CBFA2T3: variants seen among roughly 807,000 people sequenced by gnomAD.
The protein encoded by CBFA2T3 is transcriptional corepressor CBFA2T3.
In CBFA2T3, 31 loss-of-function variants were observed where a neutral mutation model predicts 58.6. The ratio of observed to expected loss-of-function variants is 0.53; its 90% CI spans 0.40 to 0.71. The LOEUF (loss-of-function observed/expected upper bound fraction) is 0.71. CBFA2T3 is among the 30% of genes least tolerant of loss of function. CBFA2T3 has a pLI of 0.00. For missense variants in CBFA2T3, 1,076 were observed against 963.1 expected (o/e 1.12, Z -1.55); for synonymous variants, 531 against 421.9 (o/e 1.26, Z -3.17).
Position 88,963,982 on chromosome 16 carries a change from C to G in CBFA2T3, c.151+12675G>C, listed in dbSNP as rs577917198. Among the ~76,000 whole-genome samples, 190 of 152,336 alleles carry G rather than the reference C, an allele frequency of 1.2e-3. 1 individual carries two copies. Among genetic ancestry groups the G allele is most frequent in the Middle Eastern group, 3.4e-3 (1 of 294 alleles). ...ATCTTGAGAAAGAGAAGAGCTCTGTCTGCAGTGAGGAGAGGACAGAGAGCT... is the reference window on the plus strand; with the variant it reads ...ATCTTGAGAAAGAGAAGAGCTCTGTGTGCAGTGAGGAGAGGACAGAGAGCT... On this transcript the variant is annotated intron_variant, in intron 1 of 11. Coordinates refer to ENST00000268679, the MANE Select transcript of CBFA2T3 (RefSeq NM_005187.6).
At chr16:88,951,958 G>T (rs149920331) in intron 1 of CBFA2T3, among the ~76,000 whole-genome samples, 22 of 152,246 alleles carry the variant, frequency 1.4e-4, no homozygotes, top group African/African-American at 5.1e-4. Context: ...TGACGCCTCC[G>T]AGCTGGGTTT....
chr16:88,885,938 A>C lies in CBFA2T3; in HGVS notation c.893+23T>G, dbSNP rs897957. 10,900 of 1,544,732 alleles carry C rather than the reference A, an allele frequency of 7.1e-3. 667 individuals carry two copies. The African/African-American group carries it at 0.13, about 19-fold the overall frequency. On this transcript the variant is annotated intron_variant, in intron 6 of 11. Coordinates refer to ENST00000268679, the MANE Select transcript of CBFA2T3 (RefSeq NM_005187.6). The surrounding 1 kb of genome is among the most constrained non-coding windows in gnomAD (Gnocchi z 5.3). ...CGCGTGTCCACGGCACCCCCAGCCC[A>C]GATCCCCGGAGCCCACAGGTACCTG...
intron 1 of CBFA2T3, among the ~76,000 whole-genome samples, chr16:88,905,162 G>A (rs1970259182): frequency 6.6e-6 from 1 of 152,140 alleles, no homozygotes; most frequent in African/African-American, 2.4e-5. Flanking sequence ...GGGGAGTCTG[G>A]AGCTCTGCAC....
chr16:88,879,219 G>A (rs776932180), intron 11 of CBFA2T3, 51 bp downstream of exon 11: 31 of 1,491,062 alleles, frequency 2.1e-5, no homozygotes, highest in East Asian at 6.8e-5. Flanking sequence ...GCGTGGGACC[G>A]CACGGGAGCC....
At chr16:88,941,051 C>G (rs1194952789) in intron 1 of CBFA2T3, 32 of 985,558 alleles carry the variant, frequency 3.2e-5, no homozygotes, top group Non-Finnish European at 3.9e-5. Flanking sequence ...CGGCGGGCGG[C>G]GGACGGCGCA....
chr16:88,900,229 G>GT (rs1252600872), intron 2 of CBFA2T3, among the ~76,000 whole-genome samples: 3 of 152,256 alleles, frequency 2.0e-5, no homozygotes, highest in Non-Finnish European at 4.4e-5. Flanking sequence ...ATTTCCAGCT[G>GT]TACCTGCCTC....
At chr16:88,963,460 T>C (rs1972419792) in intron 1 of CBFA2T3, among the ~76,000 whole-genome samples, 3 of 152,128 alleles carry the variant, frequency 2.0e-5, no homozygotes, top group South Asian at 2.1e-4. Flanking sequence ...CTGACAACGT[T>C]CTGCAACCAG....
intron 3 of CBFA2T3, among the ~76,000 whole-genome samples, chr16:88,897,150 G>A (rs977378731): frequency 2.6e-5 from 4 of 152,226 alleles, no homozygotes; most frequent in Admixed American, 1.3e-4. Flanking sequence ...TCCGGGATCT[G>A]GGATTCACCA....
chr16:88,904,012 G>A (rs1366841275), intron 1 of CBFA2T3, among the ~76,000 whole-genome samples: 2 of 152,256 alleles, frequency 1.3e-5, no homozygotes, highest in Non-Finnish European at 2.9e-5. Context: ...TCCTAAGGTG[G>A]AGAGGGTGGC....
chr16:88,894,059 G>C (rs1969761974), intron 3 of CBFA2T3, among the ~76,000 whole-genome samples: 1 of 152,258 alleles, frequency 6.6e-6, no homozygotes, highest in East Asian at 1.9e-4. Context: ...TCCTGCAGAA[G>C]GACACGCTCC....
rs939949973 is a variant in CBFA2T3, at chr16:88,875,079, C to G, written c.*1897G>C. ...CACACAGATGCCAGGCCACGGGCCA[C>G]GCCACGCGCACAGATGCCAGGCCAC... On this transcript the variant is annotated 3_prime_UTR_variant, in exon 12 of 12. Transcript: ENST00000268679. The G allele has an allele frequency of 8.5e-6, 2 of 235,032 alleles. No homozygotes were observed. The highest frequency in any genetic ancestry group is 6.0e-5 in the East Asian group (1 of 16,590). The allele number at this position is 235,032 out of a possible 1,614,324, so 14.6% of individuals were successfully genotyped here.
At chr16:88,906,840 T>C (rs948647417) in intron 1 of CBFA2T3, among the ~76,000 whole-genome samples, 6 of 152,196 alleles carry the variant, frequency 3.9e-5, no homozygotes, top group African/African-American at 1.4e-4. Flanking sequence ...ACGGTCCCGA[T>C]GCCAGCCAGC....
intron 1 of CBFA2T3, among the ~76,000 whole-genome samples, chr16:88,973,006 C>T (rs1972692759): frequency 6.6e-6 from 1 of 152,322 alleles, no homozygotes; most frequent in East Asian, 1.9e-4. Context: ...TGGCTGGAGC[C>T]CACAGACACC....
At chr16:88,879,787 G>C (rs1968992960) in intron 10 of CBFA2T3, 1 of 304,460 alleles carries the variant, frequency 3.3e-6, no homozygotes, top group African/African-American at 2.1e-5. Context: ...CGGCTCCCCA[G>C]GCACTGCACC....
chr16:88,941,163 CAGGCGCGCGGCGGGGCTG>C, intron 1 of CBFA2T3: 10 of 982,696 alleles, frequency 1.0e-5, no homozygotes, highest in Non-Finnish European at 1.1e-5. Flanking sequence ...GCACCGGGCT[CAGGCGCGCGGCGGGGCTG>C]GGGCGCGCGG....
intron 7 of CBFA2T3, 189 bp downstream of exon 7, chr16:88,884,857 C>A (rs1969292863): frequency 3.7e-6 from 2 of 537,284 alleles, no homozygotes; most frequent in South Asian, 4.9e-5. Context: ...GGGTTCAGGG[C>A]CCAGGACAGG....
chr16:88,944,474 C>T (rs896640837), intron 1 of CBFA2T3, among the ~76,000 whole-genome samples: 1 of 152,188 alleles, frequency 6.6e-6, no homozygotes, highest in South Asian at 2.1e-4. Flanking sequence ...CCGTGCCTGG[C>T]TCTAGGGCCC....
Position 88,930,344 on chromosome 16 carries a change from C to G in CBFA2T3, c.152-28688G>C, listed in dbSNP as rs985750247. On this transcript the variant is annotated intron_variant, in intron 1 of 11. Coordinates refer to ENST00000268679, the MANE Select transcript of CBFA2T3 (RefSeq NM_005187.6). ...AAGCTACCAATACCCACAGCTGCAT[C>G]GTCCACGCAAAAGCTACCCATGCCC... 3.7e-3 allele frequency among the ~76,000 whole-genome samples: 526 copies of G among 140,546 alleles called. 40 individuals are homozygous for G. Among genetic ancestry groups the G allele is most frequent in the African/African-American group, 0.015 (495 of 32,526 alleles). The allele number at this position is 140,546 out of a possible 152,430, so 92.2% of individuals were successfully genotyped here.
intron 1 of CBFA2T3, among the ~76,000 whole-genome samples, chr16:88,966,937 A>G (rs1466260655): frequency 6.6e-6 from 1 of 152,020 alleles, no homozygotes; most frequent in Non-Finnish European, 1.5e-5. Flanking sequence ...TTCGTATCAC[A>G]CTCTAGTCCC....
Sources: allele counts gnomAD v4.1 joint callset (sites outside exome capture counted in the v4.1 genomes callset), GRCh38; gene constraint gnomAD v4.1.1; non-coding constraint Gnocchi (gnomAD v3.1); transcripts MANE v1.5; gene names NCBI Gene and HGNC (gene_info 2026-07-23, HGNC 2026-07-21).